The following CBFA2T3 variants were observed in gnomAD, a reference collection of about 807,000 sequenced individuals.
The protein encoded by CBFA2T3 is CBFA2/RUNX1 partner transcriptional co-repressor 3, also known as transcriptional corepressor CBFA2T3.
CBFA2T3 carries 31 observed loss-of-function variants against 58.6 expected under a neutral mutation model. The observed-to-expected ratio is 0.53, with a 90% CI of 0.40 to 0.71. CBFA2T3 has a LOEUF of 0.71. Ranked by LOEUF, CBFA2T3 falls within the 30% of genes least tolerant of loss-of-function variation. CBFA2T3 has a pLI of 0.00. For synonymous variants in CBFA2T3, 531 were observed against 421.9 expected (o/e 1.26, Z -3.17); for missense variants, 1,076 against 963.1 (o/e 1.12, Z -1.55).
At chr16:88,937,272 G>A (rs1461682762) in intron 1 of CBFA2T3, 1 of 152,260 alleles carries the variant, frequency 6.6e-6, no homozygotes, top group Non-Finnish European at 1.5e-5. Flanking sequence ...ACTGAGCCAC[G>A]AGGTGGACGA....
intron 1 of CBFA2T3, among the ~76,000 whole-genome samples, chr16:88,927,784 C>G (rs556227863): frequency 1.2e-4 from 19 of 152,312 alleles, no homozygotes; most frequent in African/African-American, 4.6e-4. Context: ...AACACTGACC[C>G]GAAGACAGGT....
chr16:88,900,895 G>A (rs140759167), intron 2 of CBFA2T3, among the ~76,000 whole-genome samples: 2 of 152,238 alleles, frequency 1.3e-5, no homozygotes, highest in Non-Finnish European at 1.5e-5. Flanking sequence ...CCCTTGCCAG[G>A]GCCAGCAAGA....
At chr16:88,932,711 G>C (rs577020615) in intron 1 of CBFA2T3, among the ~76,000 whole-genome samples, 1 of 149,880 alleles carries the variant, frequency 6.7e-6, no homozygotes. Flanking sequence ...ACTTTGGGAG[G>C]CTGAGGCAGG....
At chr16:88,889,095 G>A (rs1348089401) in intron 5 of CBFA2T3, among the ~76,000 whole-genome samples, 2 of 151,788 alleles carry the variant, frequency 1.3e-5, no homozygotes, top group Admixed American at 6.6e-5. Flanking sequence ...TTGGTAATAA[G>A]CAGGCGCACT....
chr16:88,897,778 C>T (rs982627119), intron 3 of CBFA2T3, among the ~76,000 whole-genome samples: 2 of 152,362 alleles, frequency 1.3e-5, no homozygotes, highest in African/African-American at 2.4e-5. Context: ...CCTCGGCACT[C>T]GCAGTCAGCC....
In CBFA2T3 at chr16:88,933,796, T is replaced by C. The variant is rs531947433; in HGVS notation, c.152-32140A>G. Reference sequence around the variant, plus strand: ...CCACACGTCTGCGTCCCCACAGCCATAGTGGCCACTTCATGCCACGCGTAT... The same window carrying C: ...CCACACGTCTGCGTCCCCACAGCCACAGTGGCCACTTCATGCCACGCGTAT... On this transcript the variant is annotated intron_variant, in intron 1 of 11. Coordinates refer to ENST00000268679, the MANE Select transcript of CBFA2T3 (RefSeq NM_005187.6). Among the ~76,000 whole-genome samples, 820 of 152,126 alleles carry C rather than the reference T, an allele frequency of 5.4e-3. 62 individuals are homozygous for C. The highest frequency in any genetic ancestry group is 0.019 in the African/African-American group (769 of 41,482).
intron 10 of CBFA2T3, chr16:88,879,750 C>G: frequency 2.4e-6 from 1 of 411,382 alleles, no homozygotes; most frequent in South Asian, 5.1e-5. Context: ...CGTGGTGTCA[C>G]AAGTCAAAGC....
chr16:88,971,036 G>A (rs547570242), intron 1 of CBFA2T3, among the ~76,000 whole-genome samples: 4 of 152,168 alleles, frequency 2.6e-5, no homozygotes, highest in Non-Finnish European at 5.9e-5. Context: ...AGGCCGACGC[G>A]GTGGGGTCGG....
At chr16:88,959,682 T>C (rs1361950049) in intron 1 of CBFA2T3, among the ~76,000 whole-genome samples, 1 of 152,076 alleles carries the variant, frequency 6.6e-6, no homozygotes, top group African/African-American at 2.4e-5. Context: ...GGAAAGGCGA[T>C]GGAGAGAAAA....
intron 1 of CBFA2T3, among the ~76,000 whole-genome samples, chr16:88,973,049 A>T (rs11859859): frequency 0.41 from 62,735 of 152,040 alleles, 13,511 homozygotes; most frequent in African/African-American, 0.52. Flanking sequence ...ACCAGCTCCA[A>T]AGCCCAGCAG....
intron 1 of CBFA2T3, among the ~76,000 whole-genome samples, chr16:88,936,154 C>T (rs1472459745): frequency 4.6e-5 from 7 of 152,116 alleles, no homozygotes; most frequent in African/African-American, 9.7e-5. Context: ...GTACACTGGG[C>T]GGGGACTTCC....
At chr16:88,909,843 C>T (rs1210399325) in intron 1 of CBFA2T3, among the ~76,000 whole-genome samples, 3 of 152,248 alleles carry the variant, frequency 2.0e-5, no homozygotes, top group Non-Finnish European at 4.4e-5. Flanking sequence ...AATGGAGCCC[C>T]AGCCTCTGAA....
At chr16:88,911,160 C>A (rs1046937280) in intron 1 of CBFA2T3, among the ~76,000 whole-genome samples, 1 of 152,260 alleles carries the variant, frequency 6.6e-6, no homozygotes, top group Admixed American at 6.5e-5. Context: ...CCAGGGCGGA[C>A]CCTTCCTCTG....
chr16:88,948,931 G>A (rs917406351), intron 1 of CBFA2T3, among the ~76,000 whole-genome samples: 1 of 152,200 alleles, frequency 6.6e-6, no homozygotes, highest in Non-Finnish European at 1.5e-5. Flanking sequence ...GTGTAAAAGG[G>A]AATGTGGATG....
intron 1 of CBFA2T3, among the ~76,000 whole-genome samples, chr16:88,925,229 C>CCAGG (rs1475265098): frequency 6.6e-6 from 1 of 152,236 alleles, no homozygotes; most frequent in Non-Finnish European, 1.5e-5. Context: ...TGGGAAGGTG[C>CCAGG]CAGGCAGGCA....
At chr16:88,914,888 C>T (rs1321277898) in intron 1 of CBFA2T3, among the ~76,000 whole-genome samples, 1 of 152,122 alleles carries the variant, frequency 6.6e-6, no homozygotes, top group Non-Finnish European at 1.5e-5. Flanking sequence ...ATTCCTTGCC[C>T]AGCTGCTAGA....
chr16:88,890,732 T>C (rs534028068), intron 5 of CBFA2T3, among the ~76,000 whole-genome samples: 1 of 152,314 alleles, frequency 6.6e-6, no homozygotes, highest in African/African-American at 2.4e-5. Flanking sequence ...ATTCATTCGT[T>C]CAGAGACAGG....
rs1567632833 is a variant in CBFA2T3 at position 88,954,393 on chromosome 16, GACCCTACCCAAGA to G, written c.151+22251_151+22263del. ...GCTCCTGACCCCACCCAAGACTCCTGACCCTACCCAAGACTCCTGACCCCACCCAAGGCTCCTG... is the reference window on the plus strand; with the variant it reads ...GCTCCTGACCCCACCCAAGACTCCTGCTCCTGACCCCACCCAAGGCTCCTG... On this transcript the variant is annotated intron_variant, in intron 1 of 11. Coordinates refer to ENST00000268679, the MANE Select transcript of CBFA2T3 (RefSeq NM_005187.6). Among the ~76,000 whole-genome samples the G allele has an allele frequency of 4.1e-4, 56 of 136,866 alleles. 2 individuals are homozygous for G. The highest frequency in any genetic ancestry group is 1.3e-3 in the African/African-American group (42 of 32,380). The allele number at this position is 136,866 out of a possible 152,430, so 89.8% of individuals were successfully genotyped here.
At chr16:88,962,662 A>C (rs764317630) in intron 1 of CBFA2T3, among the ~76,000 whole-genome samples, 1 of 152,214 alleles carries the variant, frequency 6.6e-6, no homozygotes, top group Middle Eastern at 3.2e-3. Flanking sequence ...GGAGACAGCC[A>C]CGTAGCCGGA....
Sources: gnomAD v4.1 joint callset for allele counts (sites outside exome capture counted in the v4.1 genomes callset) on GRCh38, gnomAD v4.1.1 for gene constraint, MANE v1.5 for transcripts, NCBI Gene and HGNC (gene_info 2026-07-23, HGNC 2026-07-21) for gene names.